The following MTUS1 variants were observed in gnomAD, a reference collection of about 807,000 sequenced individuals.
MTUS1 encodes microtubule-associated tumor suppressor 1.
Under a neutral mutation model 120.8 loss-of-function variants are expected in MTUS1, and 109 were observed. That is an observed-to-expected ratio of 0.90 (90% CI 0.77 to 1.06). The LOEUF is 1.06. Among genes scored for constraint, MTUS1 ranks in the 50% least tolerant of loss-of-function variants. The pLI is 0.00. For synonymous variants in MTUS1, 737 were observed against 550.5 expected, an observed-to-expected ratio of 1.34 and a Z score of -4.74; for missense variants, 2,210 against 1,486.3, an observed-to-expected ratio of 1.49 and a Z score of -8.01.
At chr8:17,756,231 C>T (rs1203854691) in intron 1 of MTUS1, among the ~76,000 whole-genome samples, 1 of 152,162 alleles carries the variant, frequency 6.6e-6, no homozygotes, top group East Asian at 1.9e-4. Flanking sequence ...TGATATGCCT[C>T]TCCCCCACTC....
At chr8:17,776,947 G>C (rs1216708972) in intron 1 of MTUS1, among the ~76,000 whole-genome samples, 1 of 152,062 alleles carries the variant, frequency 6.6e-6, no homozygotes, top group Non-Finnish European at 1.5e-5. Flanking sequence ...ACAGCTGTAA[G>C]ACTTGATTTC....
At chr8:17,693,960 C>T (rs1817464573) in intron 6 of MTUS1, among the ~76,000 whole-genome samples, 2 of 152,184 alleles carry the variant, frequency 1.3e-5, no homozygotes, top group African/African-American at 4.8e-5. Context: ...AGGCACAGAC[C>T]AAATACTAAG....
chr8:17,775,782 A>G, intron 1 of MTUS1, among the ~76,000 whole-genome samples: 1 of 152,270 alleles, frequency 6.6e-6, no homozygotes, highest in Non-Finnish European at 1.5e-5. Context: ...GCTCAGGTAC[A>G]GTCTCCTGGT....
chr8:17,721,920 G>A (rs1033610267), intron 4 of MTUS1: 1 of 1,602,772 alleles, frequency 6.2e-7, no homozygotes, highest in Non-Finnish European at 8.5e-7. Context: ...ATCAAAGCAA[G>A]CTTAAGCAGG....
chr8:17,743,175 T>C (rs1250478435), intron 3 of MTUS1, among the ~76,000 whole-genome samples: 4 of 152,114 alleles, frequency 2.6e-5, no homozygotes, highest in African/African-American at 9.7e-5. Context: ...GTCACCCTCA[T>C]ATCCCTCCTA....
At chr8:17,652,601 T>G (rs1201912272) in intron 12 of MTUS1, among the ~76,000 whole-genome samples, 2 of 152,088 alleles carry the variant, frequency 1.3e-5, no homozygotes, top group Non-Finnish European at 2.9e-5. Context: ...ATGAATATAC[T>G]AAAAGCCACT....
At chr8:17,790,784 C>G (rs1033730604) in intron 1 of MTUS1, among the ~76,000 whole-genome samples, 1 of 152,112 alleles carries the variant, frequency 6.6e-6, no homozygotes, top group Admixed American at 6.5e-5. Flanking sequence ...GTCAAGAGTT[C>G]GAGACCAGCG....
At chr8:17,680,464 C>CAA (rs58490523) in intron 7 of MTUS1, among the ~76,000 whole-genome samples, 799 of 24,068 alleles carry the variant, frequency 0.033, 69 homozygotes, top group Non-Finnish European at 0.056. Flanking sequence ...GCCACTGTCG[C>CAA]AAAAAAAAAA....
intron 1 of MTUS1, among the ~76,000 whole-genome samples, chr8:17,765,816 A>C (rs866059546): frequency 6.6e-6 from 1 of 151,984 alleles, no homozygotes; most frequent in African/African-American, 2.4e-5. Flanking sequence ...ATTTTCTCGT[A>C]AAGTCCATTA....
chr8:17,795,187 G>A (rs748380986), intron 1 of MTUS1, among the ~76,000 whole-genome samples: 1 of 152,126 alleles, frequency 6.6e-6, no homozygotes, highest in Non-Finnish European at 1.5e-5. Flanking sequence ...AAGACTTAAT[G>A]AACACTGTCA....
chr8:17,694,776 G>A (rs1817631922), intron 6 of MTUS1, among the ~76,000 whole-genome samples: 1 of 152,008 alleles, frequency 6.6e-6, no homozygotes, highest in South Asian at 2.1e-4. Flanking sequence ...GAATTTAGGA[G>A]GTAAAAAAAT....
At chr8:17,743,217 A>C (rs2047470394) in intron 3 of MTUS1, among the ~76,000 whole-genome samples, 1 of 152,194 alleles carries the variant, frequency 6.6e-6, no homozygotes, top group South Asian at 2.1e-4. Context: ...TAAAATTAAA[A>C]AAAAAATTAA....
intron 6 of MTUS1, chr8:17,693,215 C>A (rs1817299056): frequency 6.6e-6 from 1 of 152,170 alleles, no homozygotes; most frequent in Non-Finnish European, 1.5e-5. Flanking sequence ...CCGAAATAGA[C>A]CGAGTTTAAT....
intron 3 of MTUS1, among the ~76,000 whole-genome samples, chr8:17,727,026 C>T (rs938432945): frequency 6.6e-6 from 1 of 152,160 alleles, no homozygotes; most frequent in African/African-American, 2.4e-5. Context: ...CACAGCTGCA[C>T]TAGAGGAAAG....
At chr8:17,687,708 A>T (rs1816110644) in intron 6 of MTUS1, among the ~76,000 whole-genome samples, 1 of 152,216 alleles carries the variant, frequency 6.6e-6, no homozygotes, top group East Asian at 1.9e-4. Context: ...TTCTAATGAA[A>T]TGGCAGCCTC....
chr8:17,780,024 A>T (rs1252001796), intron 1 of MTUS1, among the ~76,000 whole-genome samples: 1 of 152,080 alleles, frequency 6.6e-6, no homozygotes, highest in Non-Finnish European at 1.5e-5. Context: ...CCAGTGGTTG[A>T]GGTGGGGCCT....
chr8:17,731,452 C>A (rs1326272415), intron 3 of MTUS1, among the ~76,000 whole-genome samples: 1 of 151,888 alleles, frequency 6.6e-6, no homozygotes, highest in Non-Finnish European at 1.5e-5. Flanking sequence ...CACAAAGTAC[C>A]ATACAAATAT....
intron 7 of MTUS1, among the ~76,000 whole-genome samples, chr8:17,677,694 C>T (rs186480204): frequency 1.3e-5 from 2 of 152,308 alleles, no homozygotes; most frequent in African/African-American, 4.8e-5. Context: ...TCAGAAACTA[C>T]TGACATCTTC....
chr8:17,672,153 T>C (rs1239720056), intron 8 of MTUS1, among the ~76,000 whole-genome samples: 2 of 152,190 alleles, frequency 1.3e-5, no homozygotes, highest in East Asian at 1.9e-4. Context: ...TAGGAATATT[T>C]AGTCTAATGA....
Sources: allele counts gnomAD v4.1 joint callset (sites outside exome capture counted in the v4.1 genomes callset), GRCh38; gene constraint gnomAD v4.1.1; transcripts MANE v1.5; gene names NCBI Gene and HGNC (gene_info 2026-07-23, HGNC 2026-07-21).